The following CFAP95 variants were observed in gnomAD, a reference collection of about 807,000 sequenced individuals.
The protein encoded by CFAP95 is cilia- and flagella-associated protein 95.
At chr9:69,899,156 C>G in the CFAP95 span, among the ~76,000 whole-genome samples, 1 of 152,274 alleles carries the variant, frequency 6.6e-6, no homozygotes, top group Admixed American at 6.5e-5. Flanking sequence ...TAAGTAAACT[C>G]TGTCACAACT....
chr9:69,875,468 G>A, the CFAP95 span, among the ~76,000 whole-genome samples: 1 of 151,840 alleles, frequency 6.6e-6, no homozygotes, highest in African/African-American at 2.4e-5. Flanking sequence ...TGCCTACTTT[G>A]TATCAGACTC....
chr9:69,867,062 G>T, the CFAP95 span, among the ~76,000 whole-genome samples: 1 of 152,184 alleles, frequency 6.6e-6, no homozygotes, highest in Non-Finnish European at 1.5e-5. Flanking sequence ...CTCCTTAGCT[G>T]ATGTATGTTG....
the CFAP95 span, among the ~76,000 whole-genome samples, chr9:69,902,593 G>A: frequency 6.6e-6 from 1 of 151,968 alleles, no homozygotes; most frequent in Non-Finnish European, 1.5e-5. Context: ...CGACTTTCTT[G>A]TCCAGGATTC....
the CFAP95 span, among the ~76,000 whole-genome samples, chr9:69,904,602 C>T: frequency 6.6e-6 from 1 of 152,136 alleles, no homozygotes. Context: ...CTATGAAATG[C>T]TGAAGGAGCC....
the CFAP95 span, among the ~76,000 whole-genome samples, chr9:69,869,828 C>T: frequency 2.6e-5 from 4 of 151,680 alleles, no homozygotes; most frequent in African/African-American, 9.7e-5. Flanking sequence ...TTCCTTTAAT[C>T]CCATGTATAT....
At chr9:69,861,750 A>C in the CFAP95 span, among the ~76,000 whole-genome samples, 97 of 139,244 alleles carry the variant, frequency 7.0e-4, no homozygotes, top group Non-Finnish European at 1.1e-3. Context: ...AAAAAAAAAA[A>C]AAACACAACA....
chr9:69,876,845 G>A, the CFAP95 span, among the ~76,000 whole-genome samples: 2 of 152,090 alleles, frequency 1.3e-5, no homozygotes, highest in African/African-American at 4.8e-5. Context: ...ATGTTGGCCA[G>A]GCTGGTCTCA....
chr9:69,862,861 T>A, the CFAP95 span, among the ~76,000 whole-genome samples: 1 of 152,126 alleles, frequency 6.6e-6, no homozygotes, highest in Non-Finnish European at 1.5e-5. Flanking sequence ...ACACCTTTCC[T>A]CCATAAGTGG....
chr9:69,853,011 A>G, the CFAP95 span, among the ~76,000 whole-genome samples: 4 of 152,074 alleles, frequency 2.6e-5, no homozygotes, highest in African/African-American at 9.7e-5. Context: ...TCTGTAAATT[A>G]CCCAGTCTTG....
the CFAP95 span, among the ~76,000 whole-genome samples, chr9:69,823,321 A>T: frequency 3.2e-4 from 48 of 152,318 alleles, no homozygotes; most frequent in Non-Finnish European, 5.7e-4. Flanking sequence ...TGGGGACTAC[A>T]GGTCCCTCCC....
the CFAP95 span, among the ~76,000 whole-genome samples, chr9:69,846,180 T>C: frequency 6.6e-6 from 1 of 152,216 alleles, no homozygotes; most frequent in Non-Finnish European, 1.5e-5. Flanking sequence ...TTGATTCCTA[T>C]ATAGAAATGC....
chr9:69,845,542 A>T, the CFAP95 span, among the ~76,000 whole-genome samples: 1 of 152,184 alleles, frequency 6.6e-6, no homozygotes, highest in Admixed American at 6.5e-5. Context: ...TTGTTCTAGA[A>T]GATTCTCCAT....
chr9:69,823,316 A>G, the CFAP95 span, among the ~76,000 whole-genome samples: 28,044 of 152,130 alleles, frequency 0.18, 2,753 homozygotes, highest in East Asian at 0.33. Flanking sequence ...ACACATGGGG[A>G]CTACAGGTCC....
the CFAP95 span, chr9:69,857,829 CTAAAT>C: frequency 7.9e-7 from 1 of 1,270,542 alleles, no homozygotes; most frequent in Non-Finnish European, 1.1e-6. Context: ...CGCCCAGCCC[CTAAAT>C]TAGTTTTACA....
the CFAP95 span, among the ~76,000 whole-genome samples, chr9:69,821,185 T>G: frequency 7.0e-6 from 1 of 143,048 alleles, no homozygotes. Context: ...GGGGGAGAAA[T>G]GTAGAGAAAG....
the CFAP95 span, among the ~76,000 whole-genome samples, chr9:69,881,564 T>C: frequency 6.6e-5 from 10 of 152,262 alleles, no homozygotes; most frequent in East Asian, 1.9e-3. Context: ...TTGGTTACTA[T>C]AGCTTTGTAA....
chr9:69,831,351 A>T, the CFAP95 span, among the ~76,000 whole-genome samples: 13 of 152,350 alleles, frequency 8.5e-5, no homozygotes, highest in South Asian at 2.1e-4. Flanking sequence ...ATTGCTCAGT[A>T]AGGATCCAGA....
At chr9:69,839,375 TG>T in the CFAP95 span, among the ~76,000 whole-genome samples, 1 of 151,174 alleles carries the variant, frequency 6.6e-6, no homozygotes, top group East Asian at 2.0e-4. Flanking sequence ...GGACTCTTTT[TG>T]GTTGGTAAGC....
the CFAP95 span, among the ~76,000 whole-genome samples, chr9:69,822,582 T>C: frequency 6.6e-6 from 1 of 152,222 alleles, no homozygotes; most frequent in Non-Finnish European, 1.5e-5. Flanking sequence ...ATTTGAGTCA[T>C]ACCATAAATC....
Sources: gnomAD v4.1 joint callset for allele counts (sites outside exome capture counted in the v4.1 genomes callset) on GRCh38, gnomAD v4.1.1 for gene constraint, MANE v1.5 for transcripts, NCBI Gene and HGNC (gene_info 2026-07-23, HGNC 2026-07-21) for gene names.